Variants in ANGPTL1 observed in about 807,000 individuals in gnomAD.
ANGPTL1 encodes the protein angiopoietin-related protein 1.
In ANGPTL1, 36 loss-of-function variants were observed where a neutral mutation model predicts 46.7. The observed-to-expected ratio is 0.77, with a 90% CI of 0.59 to 1.02. The LOEUF (loss-of-function observed/expected upper bound fraction) is 1.02. Ranked by LOEUF, ANGPTL1 falls within the 50% of genes least tolerant of loss-of-function variation. The pLI is 0.00. For missense variants in ANGPTL1, 571 were observed against 594.7 expected, an observed-to-expected ratio of 0.96 and a Z score of 0.41; for synonymous variants, 221 against 204.3, an observed-to-expected ratio of 1.08 and a Z score of -0.69.
intron 3 of ANGPTL1, among the ~76,000 whole-genome samples, chr1:178,854,236 T>C: frequency 6.6e-6 from 1 of 152,162 alleles, no homozygotes; most frequent in South Asian, 2.1e-4. Context: ...ATAAAAATGC[T>C]GAGGGATCGA....
chr1:178,853,392 A>G (rs1428918770), intron 4 of ANGPTL1, among the ~76,000 whole-genome samples: 1 of 152,174 alleles, frequency 6.6e-6, no homozygotes, highest in African/African-American at 2.4e-5. Context: ...TTAAAAGTAT[A>G]TCTTCTGTTT....
intron 1 of ANGPTL1, 70 bp from the exon 2 acceptor site, chr1:178,869,293 C>T (rs145085962): frequency 6.6e-6 from 1 of 152,044 alleles, no homozygotes; most frequent in Admixed American, 6.6e-5. Context: ...AGGCATTTAA[C>T]TGGCTGTGTC....
chr1:178,850,248 T>G lies in ANGPTL1; in HGVS notation c.*881A>C, dbSNP rs911883409. ...TGATTTGAATTGCAGATTGGTTGGGTTTTTTTTTCTTTGTAGTAGTAAGAT... is the reference window on the plus strand; with the variant it reads ...TGATTTGAATTGCAGATTGGTTGGGGTTTTTTTTCTTTGTAGTAGTAAGAT... On this transcript the variant is annotated 3_prime_UTR_variant, in exon 6 of 6. Coordinates refer to ENST00000234816, the MANE Select transcript of ANGPTL1 (RefSeq NM_004673.4). 3 of 151,874 alleles carry G rather than the reference T, an allele frequency of 2.0e-5. No homozygotes were observed. The highest frequency in any genetic ancestry group is 2.9e-5 in the Non-Finnish European group (2 of 67,874). The allele number at this position is 151,874 out of a possible 1,614,324, so 9.4% of individuals were successfully genotyped here.
At chr1:178,858,733 A>G (rs1443404966) in intron 3 of ANGPTL1, among the ~76,000 whole-genome samples, 1 of 152,206 alleles carries the variant, frequency 6.6e-6, no homozygotes, top group Non-Finnish European at 1.5e-5. Flanking sequence ...CCCAAGGTGT[A>G]TTTATTAAGA....
rs563641743 is a variant in ANGPTL1, at chr1:178,850,429, A to C, written c.*700T>G. On this transcript the variant is annotated 3_prime_UTR_variant, in exon 6 of 6. Coordinates refer to ENST00000234816, the MANE Select transcript of ANGPTL1 (RefSeq NM_004673.4). Reference sequence around the variant, plus strand: ...TTTTGGTGTTCAGCATATCATATGAAGATAACACTGAAAAATTCATTCATA... The same window carrying C: ...TTTTGGTGTTCAGCATATCATATGACGATAACACTGAAAAATTCATTCATA... The C allele has an allele frequency of 6.6e-6, 1 of 152,434 alleles. No homozygotes were observed. The highest frequency in any genetic ancestry group is 2.4e-5 in the African/African-American group (1 of 41,564). The allele number at this position is 152,434 out of a possible 1,614,324, so 9.4% of individuals were successfully genotyped here. A position where few individuals can be genotyped will look rare whatever the true frequency, so the allele number is the denominator to read the frequency against.
intron 4 of ANGPTL1, 68 bp from the exon 5 acceptor site, chr1:178,853,021 G>C (rs1274704836): frequency 1.1e-5 from 17 of 1,521,328 alleles, no homozygotes; most frequent in Non-Finnish European, 1.5e-5. Flanking sequence ...TTACAGAGCA[G>C]TGTTAAACAT....
At chr1:178,863,402 T>G (rs974248724) in intron 3 of ANGPTL1, among the ~76,000 whole-genome samples, 2 of 152,136 alleles carry the variant, frequency 1.3e-5, no homozygotes, top group East Asian at 3.8e-4. Flanking sequence ...ATAAATAACT[T>G]CAGTGTAATA....
intron 1 of ANGPTL1, among the ~76,000 whole-genome samples, chr1:178,870,468 GT>G (rs1279795029): frequency 6.6e-6 from 1 of 152,122 alleles, no homozygotes; most frequent in Non-Finnish European, 1.5e-5. Context: ...TAAAGCACTT[GT>G]TTTCAGAAAC....
chr1:178,856,432 A>ATGAGGTCT (rs1398642546), intron 3 of ANGPTL1, among the ~76,000 whole-genome samples: 45 of 39,576 alleles, frequency 1.1e-3, no homozygotes, highest in African/African-American at 4.3e-3. Context: ...TTTTTGAGAG[A>ATGAGGTCT]TGAGGTCTTG....
chr1:178,851,394 T>C lies in ANGPTL1; in HGVS notation c.1289-78A>G, dbSNP rs944887891. ...CTCTGCAATCATAAAAAACTTATTC[T>C]ACCTTTAATTTGAACTTCCCTTACT... On this transcript the variant is annotated intron_variant, in intron 5 of 5. Transcript: ENST00000234816. The C allele has an allele frequency of 2.0e-5, 26 of 1,308,114 alleles. No homozygotes were observed. The African/African-American group carries it at 3.3e-4, about 17-fold the overall frequency. 81.0% of individuals were successfully genotyped at this position (1,308,114 alleles called of 1,614,324 possible). A position where few individuals can be genotyped will look rare whatever the true frequency, so the allele number is the denominator to read the frequency against.
At chr1:178,852,566 C>T in intron 5 of ANGPTL1, 117 bp downstream of exon 5, 2 of 1,087,178 alleles carry the variant, frequency 1.8e-6, no homozygotes, top group Non-Finnish European at 2.6e-6. Context: ...GTATTTCCTG[C>T]CACAGTGACC....
intron 5 of ANGPTL1, 116 bp from the exon 6 acceptor site, chr1:178,851,432 C>A: frequency 1.1e-6 from 1 of 912,404 alleles, no homozygotes; most frequent in East Asian, 3.0e-5. Context: ...TCCCAGTTAC[C>A]TTTATCTCAG....
chr1:178,864,845 T>C (rs1405587243), intron 3 of ANGPTL1, 109 bp downstream of exon 3: 3 of 643,964 alleles, frequency 4.7e-6, no homozygotes, highest in Non-Finnish European at 6.7e-6. Flanking sequence ...AATTTTAATG[T>C]ACATATATAA....
chr1:178,863,204 C>G (rs548046297), intron 3 of ANGPTL1, among the ~76,000 whole-genome samples: 4 of 152,032 alleles, frequency 2.6e-5, no homozygotes, highest in Admixed American at 6.5e-5. Context: ...ACACAAGAGA[C>G]CAAAAAGGGG....
intron 4 of ANGPTL1, chr1:178,853,229 A>T: frequency 1.0e-6 from 1 of 984,624 alleles, no homozygotes; most frequent in Non-Finnish European, 1.2e-6. Context: ...AAATTTATCC[A>T]TAGCTACTAA....
chr1:178,861,574 G>C (rs1489044424), intron 3 of ANGPTL1, among the ~76,000 whole-genome samples: 1 of 151,964 alleles, frequency 6.6e-6, no homozygotes, highest in East Asian at 1.9e-4. Flanking sequence ...ATTTCTGCTA[G>C]AATTGGTTAT....
intron 3 of ANGPTL1, among the ~76,000 whole-genome samples, chr1:178,856,394 ATTTTTTTTTTTTTTTTTTT>A (rs71108081): frequency 1.4e-4 from 5 of 36,432 alleles, no homozygotes; most frequent in African/African-American, 7.3e-4. Context: ...TGCCTGGCTA[ATTTTTTTTTTTTTTTTTTT>A]TTTTTTTTTT....
chr1:178,868,450 A>G (rs1317146786), intron 2 of ANGPTL1, among the ~76,000 whole-genome samples: 1 of 152,002 alleles, frequency 6.6e-6, no homozygotes, highest in African/African-American at 2.4e-5. Flanking sequence ...AATATTTACT[A>G]TGAAATAAAC....
rs769773335 is a variant in ANGPTL1 at position 178,864,975 on chromosome 1, G to C, written c.802C>G (p.Pro268Ala). 5.5e-6 allele frequency: 8 copies of C among 1,459,234 alleles called. No individual in the cohort carries two copies. The South Asian group carries it at 1.2e-4, about 22-fold the overall frequency. 90.4% of individuals were successfully genotyped at this position (1,459,234 alleles called of 1,614,324 possible). The change falls in exon 3 of 6, where the codon CCG (proline) becomes GCG (alanine). Residue 268 changes from proline (P) to alanine (A), a missense_variant. Coordinates refer to ENST00000234816, the MANE Select transcript of ANGPTL1 (RefSeq NM_004673.4). ...TCACCTTCATTGATGAAAGTTACCG[G>C]TGGTATCTTGAAAGGGCTTTTGGTG... ...SPTKSPFKIP[P>A]VTFINEGPFK...
Sources: allele counts gnomAD v4.1 joint callset (sites outside exome capture counted in the v4.1 genomes callset), GRCh38; gene constraint gnomAD v4.1.1; transcripts MANE v1.5; gene names NCBI Gene and HGNC (gene_info 2026-07-23, HGNC 2026-07-21).